Variants in MACC1 observed in about 807,000 individuals in gnomAD.
MACC1 encodes metastasis-associated in colon cancer protein 1.
MACC1 carries 79 observed loss-of-function variants against 70.7 expected under a neutral mutation model. That is an observed-to-expected ratio of 1.12 (90% CI 0.93 to 1.35). The LOEUF (loss-of-function observed/expected upper bound fraction) is 1.35. Ranked by LOEUF, MACC1 falls within the 40% of genes most tolerant of loss-of-function variation. The pLI is 0.00. For synonymous variants in MACC1, 361 were observed against 347.2 expected (o/e 1.04, Z -0.44); for missense variants, 1,106 against 978.1 (o/e 1.13, Z -1.74).
rs1781753686 is a variant in MACC1 at position 20,138,722 on chromosome 7, G to T, written c.*2224C>A. The T allele has an allele frequency of 1.3e-5, 2 of 151,640 alleles. No individual in the cohort carries two copies. Among genetic ancestry groups the T allele is most frequent in the Non-Finnish European group, 2.9e-5 (2 of 67,976 alleles). The allele number at this position is 151,640 out of a possible 1,614,324, so 9.4% of individuals were successfully genotyped here. A position where few individuals can be genotyped will look rare whatever the true frequency, so the allele number is the denominator to read the frequency against. ...TTGAGACAGCCTGTCACCCAGGCTGGAGTGCAGTGGCATGAACTCGGCTCA... is the reference window on the plus strand; with the variant it reads ...TTGAGACAGCCTGTCACCCAGGCTGTAGTGCAGTGGCATGAACTCGGCTCA... On this transcript the variant is annotated 3_prime_UTR_variant, in exon 7 of 7. Transcript: ENST00000400331.
chr7:20,190,340 A>G (rs1782654156), intron 1 of MACC1, among the ~76,000 whole-genome samples: 1 of 152,136 alleles, frequency 6.6e-6, no homozygotes, highest in African/African-American at 2.4e-5. Context: ...TTTTCCTCTT[A>G]GCTTTCTTTT....
At chr7:20,178,282 CA>C (rs1441160596) in intron 1 of MACC1, among the ~76,000 whole-genome samples, 9 of 152,036 alleles carry the variant, frequency 5.9e-5, no homozygotes, top group African/African-American at 1.4e-4. Context: ...CACACACACA[CA>C]CACACACACA....
intron 2 of MACC1, among the ~76,000 whole-genome samples, chr7:20,166,362 G>A (rs934939817): frequency 6.6e-6 from 1 of 152,092 alleles, no homozygotes; most frequent in South Asian, 2.1e-4. Context: ...TTTTTAAAAA[G>A]GCCCACAAAG....
chr7:20,182,581 T>C (rs1782526705), intron 1 of MACC1, among the ~76,000 whole-genome samples: 1 of 152,220 alleles, frequency 6.6e-6, no homozygotes, highest in South Asian at 2.1e-4. Flanking sequence ...ATTGTCTTGC[T>C]GGACCATATA....
chr7:20,173,632 A>C (rs1229115359), intron 1 of MACC1, among the ~76,000 whole-genome samples: 5 of 152,192 alleles, frequency 3.3e-5, no homozygotes, highest in African/African-American at 1.2e-4. Flanking sequence ...GACCTCAGCC[A>C]CTCATAAAAT....
rs970600576 is a variant in MACC1 at position 20,154,960 on chromosome 7, A to AAT, written c.2158-581_2158-580dup. Among the ~76,000 whole-genome samples the AAT allele has an allele frequency of 4.0e-4, 60 of 151,572 alleles. No homozygotes were observed. The Middle Eastern group carries it at 0.021, about 52-fold the overall frequency. Reference sequence around the variant, plus strand: ...AAGCTATTGATGTTTATAAGTTTAAAATATATATATATAAATTTATTAAAA... The same window carrying AAT: ...AAGCTATTGATGTTTATAAGTTTAAAATATATATATATATAAATTTATTAAAA... On this transcript the variant is annotated intron_variant, in intron 5 of 6. Transcript: ENST00000400331.
At chr7:20,208,488 A>G (rs1327432820) in intron 1 of MACC1, among the ~76,000 whole-genome samples, 1 of 152,212 alleles carries the variant, frequency 6.6e-6, no homozygotes, top group East Asian at 1.9e-4. Context: ...GGTATGTTTT[A>G]GCAAAGAGAC....
chr7:20,195,458 T>G (rs1261477985), intron 1 of MACC1, among the ~76,000 whole-genome samples: 1 of 152,216 alleles, frequency 6.6e-6, no homozygotes, highest in Non-Finnish European at 1.5e-5. Flanking sequence ...AAGTAACATA[T>G]GTATTCAACA....
intron 6 of MACC1, among the ~76,000 whole-genome samples, chr7:20,145,209 T>C (rs1290982232): frequency 6.6e-6 from 1 of 152,236 alleles, no homozygotes; most frequent in Admixed American, 6.5e-5. Context: ...TTCCCTTTTC[T>C]GTTACCTCCA....
At chr7:20,162,756 C>G (rs1035123250) in intron 3 of MACC1, among the ~76,000 whole-genome samples, 1 of 152,078 alleles carries the variant, frequency 6.6e-6, no homozygotes, top group Admixed American at 6.6e-5. Context: ...TGATCACTAT[C>G]TCATCCTGTG....
rs2128099190 is a variant in MACC1 at position 20,138,682 on chromosome 7, T to A, written c.*2264A>T. The stretch of plus-strand genomic sequence containing the variant: ...TAAATACTGAAAGCCGTACAGATTA[T>A]TCCTTTTTTTTTTTTTGAGACAGCC... On this transcript the variant is annotated 3_prime_UTR_variant, in exon 7 of 7. Coordinates refer to ENST00000400331, the MANE Select transcript of MACC1 (RefSeq NM_182762.4). The A allele has an allele frequency of 6.6e-6, 1 of 151,440 alleles. No individual in the cohort carries two copies. Among genetic ancestry groups the A allele is most frequent in the East Asian group, 1.9e-4 (1 of 5,174 alleles). 9.4% of individuals were successfully genotyped at this position (151,440 alleles called of 1,614,324 possible).
At chr7:20,210,970 C>T (rs1393281790) in intron 1 of MACC1, among the ~76,000 whole-genome samples, 1 of 152,182 alleles carries the variant, frequency 6.6e-6, no homozygotes, top group East Asian at 1.9e-4. Context: ...CTATGCAAAA[C>T]TAAATTCTTC....
intron 1 of MACC1, among the ~76,000 whole-genome samples, chr7:20,209,030 G>A (rs1021852894): frequency 2.0e-5 from 3 of 152,242 alleles, no homozygotes; most frequent in African/African-American, 7.2e-5. Context: ...CAAGAATTGA[G>A]GTTGGGGTAC....
chr7:20,150,571 C>T (rs575910809), intron 6 of MACC1: 1 of 152,060 alleles, frequency 6.6e-6, no homozygotes, highest in African/African-American at 2.4e-5. Flanking sequence ...TACATCTTCC[C>T]AATTATGAAT....
chr7:20,158,652 A>G lies in MACC1; in HGVS notation c.1709T>C (p.Leu570Pro), dbSNP rs902251296. 2 of 1,614,042 alleles carry G rather than the reference A, an allele frequency of 1.2e-6. No individual in the cohort carries two copies. Among genetic ancestry groups the G allele is most frequent in the Admixed American group, 3.3e-5 (2 of 60,006 alleles). The change falls in exon 5 of 7, where the codon CTT (leucine) becomes CCT (proline). Residue 570 changes from leucine (L) to proline (P), a missense_variant. Transcript: ENST00000400331. ...TATTGTGTCCCCTTTGAAATATTCA[A>G]GGAAGTAATCAATCTTGCTTTGTCT... ...VLRQSKIDYF[L>P]EYFKGDTIAL...
chr7:20,183,492 T>C (rs1316269241), intron 1 of MACC1, among the ~76,000 whole-genome samples: 1 of 152,234 alleles, frequency 6.6e-6, no homozygotes, highest in East Asian at 1.9e-4. Flanking sequence ...GACTTCTGAC[T>C]TGCAAAACTG....
intron 1 of MACC1, among the ~76,000 whole-genome samples, chr7:20,188,034 C>G (rs1247989021): frequency 6.6e-6 from 1 of 152,150 alleles, no homozygotes; most frequent in Non-Finnish European, 1.5e-5. Context: ...ACACATCCTT[C>G]ACATGATAGC....
At chr7:20,203,033 T>A (rs1782855534) in intron 1 of MACC1, among the ~76,000 whole-genome samples, 1 of 152,228 alleles carries the variant, frequency 6.6e-6, no homozygotes, top group South Asian at 2.1e-4. Flanking sequence ...TCCACCACTG[T>A]GCTTTTAAAA....
chr7:20,185,789 A>G (rs1782578380), intron 1 of MACC1, among the ~76,000 whole-genome samples: 1 of 152,208 alleles, frequency 6.6e-6, no homozygotes, highest in Non-Finnish European at 1.5e-5. Flanking sequence ...AATGCATGGT[A>G]TCTATTATCT....
Sources: allele counts gnomAD v4.1 joint callset (sites outside exome capture counted in the v4.1 genomes callset), GRCh38; gene constraint gnomAD v4.1.1; transcripts MANE v1.5; gene names NCBI Gene and HGNC (gene_info 2026-07-23, HGNC 2026-07-21).